Variants in ZKSCAN3 observed in about 807,000 individuals in gnomAD.
The protein encoded by ZKSCAN3 is zinc finger with KRAB and SCAN domains 3.
ZKSCAN3 carries 21 observed loss-of-function variants against 30.7 expected under a neutral mutation model. The observed-to-expected ratio is 0.68, with a 90% CI of 0.49 to 0.99. The LOEUF (loss-of-function observed/expected upper bound fraction) is 0.99, where lower values mean the gene tolerates loss of function less well. Among genes scored for constraint, ZKSCAN3 ranks in the 50% least tolerant of loss-of-function variants. The pLI, the probability that ZKSCAN3 is intolerant of heterozygous loss-of-function variation, is 0.00. For synonymous variants in ZKSCAN3, 201 were observed against 246.7 expected (o/e 0.81, Z 1.73); for missense variants, 507 against 647.1 (o/e 0.78, Z 2.35).
rs1766086913 is a variant in ZKSCAN3, at chr6:28,369,117, A to G, written c.*2832A>G. 1 of 152,132 alleles carries G rather than the reference A, an allele frequency of 6.6e-6. No homozygotes were observed. Among genetic ancestry groups the G allele is most frequent in the South Asian group, 2.1e-4 (1 of 4,824 alleles). 9.4% of individuals were successfully genotyped at this position (152,132 alleles called of 1,614,324 possible). ...TCAGGGATCTAGGGGACACAAATCT[A>G]ACAAATCCTAATGTATATTATTTGT... On this transcript the variant is annotated 3_prime_UTR_variant, in exon 6 of 6. Transcript: ENST00000252211. The surrounding 1 kb of genome is among the most constrained non-coding windows in gnomAD (Gnocchi z 4.1).
At position 28,366,533 on chromosome 6, in the gene ZKSCAN3, C is replaced by T; in HGVS notation, c.*248C>T. 3.0e-6 allele frequency: 1 copy of T among 332,614 alleles called. No homozygotes were observed. Among genetic ancestry groups the T allele is most frequent in the South Asian group, 1.1e-4 (1 of 8,902 alleles). The allele number at this position is 332,614 out of a possible 1,614,324, so 20.6% of individuals were successfully genotyped here. Reference sequence around the variant, plus strand: ...GAGGTAAGACCTGAAACTGTTTGTTCTCTCCCACTAGAATTAAATGGATGT... The same window carrying T: ...GAGGTAAGACCTGAAACTGTTTGTTTTCTCCCACTAGAATTAAATGGATGT... On this transcript the variant is annotated 3_prime_UTR_variant, in exon 6 of 6. Coordinates refer to ENST00000252211, the MANE Select transcript of ZKSCAN3 (RefSeq NM_024493.4).
chr6:28,362,297 G>A (rs1013468043), intron 3 of ZKSCAN3, among the ~76,000 whole-genome samples: 3 of 152,176 alleles, frequency 2.0e-5, no homozygotes, highest in African/African-American at 7.2e-5. Context: ...TATGCAGAAA[G>A]TAAACAGAAT....
intron 5 of ZKSCAN3, among the ~76,000 whole-genome samples, chr6:28,364,332 T>A (rs1045936742): frequency 6.6e-6 from 1 of 152,102 alleles, no homozygotes; most frequent in Admixed American, 6.5e-5. Context: ...GTATTCTAGT[T>A]AAGTTAAATG....
In ZKSCAN3 at chr6:28,365,557, C is replaced by G. The variant is rs1331361735; in HGVS notation, c.889C>G (p.Gln297Glu). The G allele has an allele frequency of 5.0e-6, 8 of 1,614,230 alleles. No individual in the cohort carries two copies. Among genetic ancestry groups the G allele is most frequent in the Non-Finnish European group, 6.8e-6 (8 of 1,180,052 alleles). The change falls in exon 6 of 6, where the codon CAG (glutamine) becomes GAG (glutamate). Residue 297 changes from glutamine (Q) to glutamate (E), a missense_variant. By Grantham distance (29) the Gln-to-Glu change is conservative. Transcript: ENST00000252211. Reference sequence around the variant, plus strand: ...TCCTACATGTGCAGAAGCTGGTGAACAGGAGGGCAGGCTACAAAGAAAGCA... The same window carrying G: ...TCCTACATGTGCAGAAGCTGGTGAAGAGGAGGGCAGGCTACAAAGAAAGCA... ...QIPTCAEAGE[Q>E]EGRLQRKQKN...
At chr6:28,357,775 A>C (rs542894910) in intron 1 of ZKSCAN3, among the ~76,000 whole-genome samples, 2 of 152,318 alleles carry the variant, frequency 1.3e-5, no homozygotes, top group South Asian at 4.1e-4. Flanking sequence ...TGCTCTCTCC[A>C]GGGGAAGGGC....
chr6:28,350,375 T>A (rs1031386356), intron 1 of ZKSCAN3: 1 of 152,104 alleles, frequency 6.6e-6, no homozygotes, highest in African/African-American at 2.4e-5. Context: ...ATTTTTGCAC[T>A]GCCTGGTAAC....
chr6:28,359,979 G>C lies in ZKSCAN3; in HGVS notation c.393G>C (p.Pro131=). ...LEYLERQLDE[P]APQVSGVDQG... is the part of the protein sequence containing the mutation. ...ATTTGGAGAGGCAGCTGGATGAGCC[G>C]GCGCCGCAGGTAGAAAGAACAGGTT... The change falls in exon 2 of 6, where the codon CCG becomes CCC. Residue 131 remains proline, a synonymous_variant. Coordinates refer to ENST00000252211, the MANE Select transcript of ZKSCAN3 (RefSeq NM_024493.4). 6.2e-7 allele frequency: 1 copy of C among 1,614,156 alleles called. No individual in the cohort carries two copies. The highest frequency in any genetic ancestry group is 1.7e-5 in the Admixed American group (1 of 60,018).
chr6:28,364,068 A>G (rs1416416863), intron 5 of ZKSCAN3, among the ~76,000 whole-genome samples: 1 of 152,148 alleles, frequency 6.6e-6, no homozygotes, highest in Non-Finnish European at 1.5e-5. Context: ...GTTTTGGGCT[A>G]AAGTGATCCT....
In ZKSCAN3 at chr6:28,359,782, C is replaced by A; in HGVS notation, c.196C>A (p.Arg66=). The A allele has an allele frequency of 6.2e-7, 1 of 1,614,208 alleles. No homozygotes were observed. The highest frequency in any genetic ancestry group is 8.5e-7 in the Non-Finnish European group (1 of 1,180,046). The change falls in exon 2 of 6, where the codon CGG becomes AGG. Residue 66 remains arginine (R), a synonymous_variant. Coordinates refer to ENST00000252211, the MANE Select transcript of ZKSCAN3 (RefSeq NM_024493.4). ...TGCAGGCCCCCGCGAGGCGCTGAGT[C>A]GGCTCCGAGAGCTCTGCCGACAGTG... is the stretch of plus-strand genomic sequence containing the variant. The part of the protein sequence containing the change: ...EAAGPREALS[R]LRELCRQWLQ...
intron 1 of ZKSCAN3, among the ~76,000 whole-genome samples, chr6:28,350,887 T>C (rs1431633795): frequency 6.6e-6 from 1 of 152,170 alleles, no homozygotes; most frequent in Non-Finnish European, 1.5e-5. Context: ...GGGGTACCTT[T>C]TCCTTGGCTG....
At chr6:28,356,629 G>A (rs866292937) in intron 1 of ZKSCAN3, among the ~76,000 whole-genome samples, 2 of 152,220 alleles carry the variant, frequency 1.3e-5, no homozygotes, top group Non-Finnish European at 2.9e-5. Flanking sequence ...ATGGAGGTTC[G>A]TCCTCCTCCC....
Position 28,362,329 on chromosome 6 carries a change from C to G in ZKSCAN3, c.550+858C>G, listed in dbSNP as rs557636336. On this transcript the variant is annotated intron_variant, in intron 3 of 5. Coordinates refer to ENST00000252211, the MANE Select transcript of ZKSCAN3 (RefSeq NM_024493.4). ...GAATCTGTAAAGCCAGCCAGCCAAT[C>G]TCATAAATTATAGGACTATTGCAAA... Among the ~76,000 whole-genome samples, 191 of 152,314 alleles carry G rather than the reference C, an allele frequency of 1.3e-3. 6 individuals are homozygous for G. In the South Asian group the frequency reaches 0.035, roughly 28 times the overall value.
At chr6:28,353,749 G>A in intron 1 of ZKSCAN3, 1 of 445,822 alleles carries the variant, frequency 2.2e-6, no homozygotes. Flanking sequence ...TTCTGGGGAA[G>A]ACTGTGGATA....
At chr6:28,353,907 G>C in intron 1 of ZKSCAN3, 1 of 455,942 alleles carries the variant, frequency 2.2e-6, no homozygotes. Context: ...TGAGGTCCGA[G>C]GGGAGTTGTT....
At chr6:28,354,031 T>G in intron 1 of ZKSCAN3, 1 of 442,690 alleles carries the variant, frequency 2.3e-6, no homozygotes, top group Non-Finnish European at 4.6e-6. Context: ...CTCGGCTGCC[T>G]CCTCCGACCG....
In ZKSCAN3 at chr6:28,361,715, TTGTTTTG is replaced by T. The variant is rs1314410518; in HGVS notation, c.550+246_550+252del. On this transcript the variant is annotated intron_variant, in intron 3 of 5. Coordinates refer to ENST00000252211, the MANE Select transcript of ZKSCAN3 (RefSeq NM_024493.4). ...GAAAGAATTGGTTCTTGCTTGGGTT[TTGTTTTG>T]TTGTATTGGTTTTTTTTTTTCTTGT... Among the ~76,000 whole-genome samples, 4 of 152,044 alleles carry T rather than the reference TTGTTTTG, an allele frequency of 2.6e-5. No homozygotes were observed. The South Asian group carries it at 8.3e-4, about 31-fold the overall frequency.
chr6:28,353,258 C>CGCCCA (rs1362973397), intron 1 of ZKSCAN3: 1 of 153,058 alleles, frequency 6.5e-6, no homozygotes, highest in East Asian at 1.9e-4. Context: ...TGAGCCACTG[C>CGCCCA]GCCCAGCCCA....
At chr6:28,362,596 A>G (rs937785812) in intron 3 of ZKSCAN3, among the ~76,000 whole-genome samples, 2 of 152,176 alleles carry the variant, frequency 1.3e-5, no homozygotes, top group African/African-American at 4.8e-5. Context: ...CTGAAGTTAT[A>G]TAAGGAATAC....
At chr6:28,358,713 A>G (rs213232) in intron 1 of ZKSCAN3, among the ~76,000 whole-genome samples, 72,274 of 151,466 alleles carry the variant, frequency 0.48, 18,846 homozygotes, top group African/African-American at 0.69. Context: ...GTGAAACCCC[A>G]GCTCTACTAA....
Sources: gnomAD v4.1 joint callset for allele counts (sites outside exome capture counted in the v4.1 genomes callset) on GRCh38, gnomAD v4.1.1 for gene constraint, Gnocchi (gnomAD v3.1) non-coding constraint, MANE v1.5 for transcripts, NCBI Gene and HGNC (gene_info 2026-07-23, HGNC 2026-07-21) for gene names.